The following RNF180 variants were observed in gnomAD, a reference collection of about 807,000 sequenced individuals.
RNF180 encodes the protein E3 ubiquitin-protein ligase RNF180.
Under a neutral mutation model 59.2 loss-of-function variants are expected in RNF180, and 38 were observed. The observed-to-expected ratio is 0.64, with a 90% CI of 0.50 to 0.84. The LOEUF is 0.84. Ranked by LOEUF, RNF180 falls within the 40% of genes least tolerant of loss-of-function variation. RNF180 has a pLI of 0.00. For missense variants in RNF180, 705 were observed against 700.9 expected (o/e 1.01, Z -0.07); for synonymous variants, 262 against 240.3 (o/e 1.09, Z -0.84).
chr5:64,360,484 T>C (rs1166251303), intron 7 of RNF180, among the ~76,000 whole-genome samples: 1 of 151,718 alleles, frequency 6.6e-6, no homozygotes, highest in African/African-American at 2.4e-5. Context: ...AGCATTCCCT[T>C]TGAAAACTGG....
At chr5:64,179,885 G>T (rs1380218193) in intron 1 of RNF180, among the ~76,000 whole-genome samples, 2 of 152,152 alleles carry the variant, frequency 1.3e-5, no homozygotes, top group African/African-American at 4.8e-5. Context: ...TGTTGCTCCA[G>T]ATCATTTTTA....
At chr5:64,253,531 A>G (rs902095647) in intron 5 of RNF180, among the ~76,000 whole-genome samples, 1 of 152,168 alleles carries the variant, frequency 6.6e-6, no homozygotes, top group Non-Finnish European at 1.5e-5. Flanking sequence ...TGCTACCAAA[A>G]TATCACTGAG....
At position 64,276,014 on chromosome 5, in the gene RNF180, C is replaced by G. The variant is rs546336001; in HGVS notation, c.1228-49172C>G. 5.3e-5 allele frequency among the ~76,000 whole-genome samples: 8 copies of G among 151,944 alleles called. 1 individual carries two copies. Among genetic ancestry groups the G allele is most frequent in the Non-Finnish European group, 1.2e-4 (8 of 67,960 alleles). ...TTCTCCCACCAATTATAAGCTGAGG[C>G]AAATATGTTGCAGAGTACCTTCCCA... On this transcript the variant is annotated intron_variant, in intron 5 of 7. Coordinates refer to ENST00000389100, the MANE Select transcript of RNF180 (RefSeq NM_001113561.2).
intron 5 of RNF180, among the ~76,000 whole-genome samples, chr5:64,307,545 G>A (rs1300884478): frequency 1.3e-5 from 2 of 151,544 alleles, no homozygotes; most frequent in African/African-American, 4.8e-5. Flanking sequence ...TATACATATA[G>A]CCCTCAAAAT....
At chr5:64,226,136 C>G (rs1157913048) in intron 5 of RNF180, among the ~76,000 whole-genome samples, 3 of 152,130 alleles carry the variant, frequency 2.0e-5, no homozygotes, top group Non-Finnish European at 4.4e-5. Flanking sequence ...GCCCGGCTGC[C>G]CCATCTGGGA....
At chr5:64,223,761 A>G (rs1357435168) in intron 5 of RNF180, among the ~76,000 whole-genome samples, 1 of 152,072 alleles carries the variant, frequency 6.6e-6, no homozygotes, top group African/African-American at 2.4e-5. Context: ...TCATGTAACT[A>G]ATGATCACTT....
intron 1 of RNF180, among the ~76,000 whole-genome samples, chr5:64,184,753 A>G (rs1352534725): frequency 6.6e-6 from 1 of 152,166 alleles, no homozygotes; most frequent in Non-Finnish European, 1.5e-5. Flanking sequence ...CCTGGCGGAT[A>G]TGGTGTGAAA....
chr5:64,331,146 A>G (rs1744889173), intron 7 of RNF180, among the ~76,000 whole-genome samples: 1 of 152,242 alleles, frequency 6.6e-6, no homozygotes, highest in African/African-American at 2.4e-5. Context: ...GGTGCTGACA[A>G]GCATGGGAGG....
At chr5:64,347,726 G>C (rs1745610325) in intron 7 of RNF180, among the ~76,000 whole-genome samples, 1 of 152,168 alleles carries the variant, frequency 6.6e-6, no homozygotes, top group Admixed American at 6.6e-5. Context: ...ATAATTTGCA[G>C]TTAAAACCTT....
At chr5:64,273,522 T>G (rs1741548612) in intron 5 of RNF180, among the ~76,000 whole-genome samples, 1 of 151,054 alleles carries the variant, frequency 6.6e-6, no homozygotes. Flanking sequence ...GAGCAAGGAG[T>G]TAGGAGAAAA....
In RNF180 at chr5:64,370,031, T is replaced by G. The variant is rs1046204627; in HGVS notation, c.*217T>G. The G allele has an allele frequency of 3.9e-5, 13 of 334,146 alleles. No homozygotes were observed. The highest frequency in any genetic ancestry group is 7.0e-5 in the Non-Finnish European group (13 of 186,054). 20.7% of individuals were successfully genotyped at this position (334,146 alleles called of 1,614,324 possible). Reference sequence around the variant, plus strand: ...TAACCTACCCAGCACTTAGCAACAATGCACTATTAATTTCATAGTTGTTCT... The same window carrying G: ...TAACCTACCCAGCACTTAGCAACAAGGCACTATTAATTTCATAGTTGTTCT... On this transcript the variant is annotated 3_prime_UTR_variant, in exon 8 of 8. Transcript: ENST00000389100.
intron 5 of RNF180, among the ~76,000 whole-genome samples, chr5:64,239,137 T>A (rs569418370): frequency 6.6e-6 from 1 of 152,318 alleles, no homozygotes; most frequent in South Asian, 2.1e-4. Context: ...TTGACCCATG[T>A]ATATGGTTCT....
chr5:64,209,015 A>T (rs1178189233), intron 2 of RNF180, among the ~76,000 whole-genome samples: 4 of 152,102 alleles, frequency 2.6e-5, no homozygotes, highest in African/African-American at 9.6e-5. Context: ...GAAGAATAGC[A>T]GTATCATACC....
Position 64,214,049 on chromosome 5 carries a change from A to G in RNF180, c.723A>G (p.Leu241=), listed in dbSNP as rs766157013. 23 of 1,614,012 alleles carry G rather than the reference A, an allele frequency of 1.4e-5. No homozygotes were observed. Among genetic ancestry groups the G allele is most frequent in the Admixed American group, 3.3e-5 (2 of 59,982 alleles). ...LDLNISEKLT[L]LPTLYEIHSK... The stretch of plus-strand genomic sequence containing the variant: ...TGAACATCAGTGAGAAACTGACTTT[A>G]TTACCCACTTTATATGAAATACATA... The change falls in exon 4 of 8, where the codon TTA becomes TTG. Residue 241 remains leucine (L), a synonymous_variant. Transcript: ENST00000389100.
At chr5:64,276,099 T>C (rs1414047707) in intron 5 of RNF180, among the ~76,000 whole-genome samples, 1 of 152,042 alleles carries the variant, frequency 6.6e-6, no homozygotes, top group Non-Finnish European at 1.5e-5. Flanking sequence ...GTGTTGAGCA[T>C]AAGGGGATGG....
chr5:64,337,091 G>A (rs957543866), intron 7 of RNF180, among the ~76,000 whole-genome samples: 3 of 150,596 alleles, frequency 2.0e-5, no homozygotes, highest in African/African-American at 4.9e-5. Flanking sequence ...TGGTATGATC[G>A]GCAGCCTCAA....
At chr5:64,266,797 A>G (rs1278908832) in intron 5 of RNF180, among the ~76,000 whole-genome samples, 2 of 152,130 alleles carry the variant, frequency 1.3e-5, no homozygotes, top group African/African-American at 4.8e-5. Flanking sequence ...ATAGATGTGT[A>G]TTTATTTATA....
chr5:64,299,109 G>A (rs535747755), intron 5 of RNF180, among the ~76,000 whole-genome samples: 1 of 151,884 alleles, frequency 6.6e-6, no homozygotes, highest in East Asian at 1.9e-4. Context: ...TGTCCTTTGC[G>A]CCATGCGAGG....
At chr5:64,198,575 G>A (rs1720909397) in intron 1 of RNF180, among the ~76,000 whole-genome samples, 1 of 152,122 alleles carries the variant, frequency 6.6e-6, no homozygotes, top group Admixed American at 6.5e-5. Flanking sequence ...AAAATTTCAG[G>A]GAGAAGAGGG....
Sources: gnomAD v4.1 joint callset for allele counts (sites outside exome capture counted in the v4.1 genomes callset) on GRCh38, gnomAD v4.1.1 for gene constraint, MANE v1.5 for transcripts, NCBI Gene and HGNC (gene_info 2026-07-23, HGNC 2026-07-21) for gene names.